Variants in SIX4 observed in about 807,000 individuals in gnomAD.
SIX4 encodes the protein SIX homeobox 4.
Under a neutral mutation model 51.5 loss-of-function variants are expected in SIX4, and 23 were observed. The ratio of observed to expected loss-of-function variants is 0.45; its 90% CI spans 0.32 to 0.63. The LOEUF is 0.63. Ranked by LOEUF, SIX4 falls within the 30% of genes least tolerant of loss-of-function variation. The probability of loss-of-function intolerance (pLI) is 0.04; values close to 1 mark genes in which losing one functional copy is unlikely to be tolerated. For missense variants in SIX4, 867 were observed against 984.0 expected (o/e 0.88, Z 1.59); for synonymous variants, 413 against 417.3 (o/e 0.99, Z 0.13).
Position 60,709,777 on chromosome 14 carries a change from G to A in SIX4, c.*3630C>T, listed in dbSNP as rs1895790275. On this transcript the variant is annotated 3_prime_UTR_variant, in exon 3 of 3. Transcript: ENST00000216513. The surrounding 1 kb of genome is among the most constrained non-coding windows in gnomAD (Gnocchi z 4.1). The stretch of plus-strand genomic sequence containing the variant: ...TACCCCACCCCATGATATACATTCT[G>A]TATAGAGTTTCTCTTTGTGTAAGGC... 1 of 152,530 alleles carries A rather than the reference G, an allele frequency of 6.6e-6. No homozygotes were observed. Among genetic ancestry groups the A allele is most frequent in the African/African-American group, 2.4e-5 (1 of 41,398 alleles). The allele number at this position is 152,530 out of a possible 1,614,324, so 9.4% of individuals were successfully genotyped here.
In SIX4 at chr14:60,712,916, G is replaced by A. The variant is rs1446469783; in HGVS notation, c.*491C>T. 6.5e-6 allele frequency: 1 copy of A among 152,726 alleles called. No homozygotes were observed. The highest frequency in any genetic ancestry group is 1.5e-5 in the Non-Finnish European group (1 of 68,154). The allele number at this position is 152,726 out of a possible 1,614,324, so 9.5% of individuals were successfully genotyped here. A position where few individuals can be genotyped will look rare whatever the true frequency, so the allele number is the denominator to read the frequency against. On this transcript the variant is annotated 3_prime_UTR_variant, in exon 3 of 3. Coordinates refer to ENST00000216513, the MANE Select transcript of SIX4 (RefSeq NM_017420.5). The stretch of plus-strand genomic sequence containing the variant: ...TCTCAAAAAATGCTGAAAAAGAGGT[G>A]TGTGTGCATATATATATGCATGCTA...
intron 1 of SIX4, chr14:60,721,282 G>A (rs926068112): frequency 1.2e-5 from 4 of 331,470 alleles, no homozygotes; most frequent in African/African-American, 6.7e-5. Flanking sequence ...CCAAATCGGG[G>A]TTGGGGGGTG....
In SIX4 at chr14:60,722,941, C is replaced by G. The variant is rs1594701376; in HGVS notation, c.863+271G>C. 3 of 411,840 alleles carry G rather than the reference C, an allele frequency of 7.3e-6. No individual in the cohort carries two copies. The highest frequency in any genetic ancestry group is 7.7e-6 in the Non-Finnish European group (2 of 258,876). The allele number at this position is 411,840 out of a possible 1,614,324, so 25.5% of individuals were successfully genotyped here. On this transcript the variant is annotated intron_variant, in intron 1 of 2. Transcript: ENST00000216513. The surrounding 1 kb of genome is among the most constrained non-coding windows in gnomAD (Gnocchi z 5.9). ...GGGAAGCTGGGCAGCAGTGACCAGC[C>G]GAGGTGGGGGCGGGGACTGAGACCT...
rs1895787844 is a variant in SIX4 at position 60,709,607 on chromosome 14, A to G, written c.*3800T>C. 1 of 152,656 alleles carries G rather than the reference A, an allele frequency of 6.6e-6. No individual in the cohort carries two copies. The highest frequency in any genetic ancestry group is 2.4e-5 in the African/African-American group (1 of 41,458). The allele number at this position is 152,656 out of a possible 1,614,324, so 9.5% of individuals were successfully genotyped here. A position where few individuals can be genotyped will look rare whatever the true frequency, so the allele number is the denominator to read the frequency against. On this transcript the variant is annotated 3_prime_UTR_variant, in exon 3 of 3. Transcript: ENST00000216513. The surrounding 1 kb of genome is among the most constrained non-coding windows in gnomAD (Gnocchi z 4.1). ...TAAGTTCACATCATTTCAGAAAACAAATAAAACACTTAATTGTCCAGGCAT... is the reference window on the plus strand; with the variant it reads ...TAAGTTCACATCATTTCAGAAAACAGATAAAACACTTAATTGTCCAGGCAT...
At position 60,724,257 on chromosome 14, in the gene SIX4, A is replaced by G. The variant is rs1272573346; in HGVS notation, c.-183T>C. ...GTTTCCCCCCGGCCACGCAGTCACC[A>G]TTAAGATAGCTGTTAGAGCAAAGTA... On this transcript the variant is annotated 5_prime_UTR_variant, in exon 1 of 3. The change abolishes an upstream ATG in the 5' untranslated region. Transcript: ENST00000216513. The G allele has an allele frequency of 7.8e-6, 12 of 1,534,810 alleles. No individual in the cohort carries two copies. Among genetic ancestry groups the G allele is most frequent in the African/African-American group, 1.4e-5 (1 of 72,750 alleles).
At chr14:60,716,544 C>A (rs143169508) in intron 2 of SIX4, among the ~76,000 whole-genome samples, 218 of 152,162 alleles carry the variant, frequency 1.4e-3, no homozygotes, top group Non-Finnish European at 2.6e-3. Flanking sequence ...AGCCACCGCG[C>A]CTGGCCAATT....
rs533147910 is a variant in SIX4, at chr14:60,714,491, CCAA to C, written c.1550-291_1550-289del. Among the ~76,000 whole-genome samples the C allele has an allele frequency of 1.7e-4, 26 of 152,070 alleles. No individual in the cohort carries two copies. In the South Asian group the frequency reaches 3.3e-3, roughly 19 times the overall value. On this transcript the variant is annotated intron_variant, in intron 2 of 2. Coordinates refer to ENST00000216513, the MANE Select transcript of SIX4 (RefSeq NM_017420.5). ...ATGGAGACATCTTTTATGTTTAACC[CCAA>C]CAACAACACAGCCAAAAAAACTACT...
intron 2 of SIX4, among the ~76,000 whole-genome samples, chr14:60,716,836 T>A (rs1352648951): frequency 6.6e-6 from 1 of 152,232 alleles, no homozygotes; most frequent in Admixed American, 6.5e-5. Flanking sequence ...GTCTTCCAAA[T>A]ATTTTTAATG....
Position 60,712,517 on chromosome 14 carries a change from G to A in SIX4, c.*890C>T, listed in dbSNP as rs1249679560. On this transcript the variant is annotated 3_prime_UTR_variant, in exon 3 of 3. Transcript: ENST00000216513. ...AAAAAGTACCAAAATTCCAATATTG[G>A]GAGTTAGATTTCCTGTTTCAGTGTT... The A allele has an allele frequency of 1.3e-5, 2 of 152,470 alleles. No homozygotes were observed. Among genetic ancestry groups the A allele is most frequent in the Non-Finnish European group, 2.9e-5 (2 of 68,000 alleles). 9.4% of individuals were successfully genotyped at this position (152,470 alleles called of 1,614,324 possible).
Position 60,720,940 on chromosome 14 carries a change from CT to C in SIX4, c.864-496del, listed in dbSNP as rs933878007. On this transcript the variant is annotated intron_variant, in intron 1 of 2. Transcript: ENST00000216513. The surrounding 1 kb of genome is among the most constrained non-coding windows in gnomAD (Gnocchi z 5.5). Reference sequence around the variant, plus strand: ...AGGAGGTAGGAAGTGCTCAGCTTTTCTTTTTTGGTCAGTTAGTTAACAAGAG... The same window carrying C: ...AGGAGGTAGGAAGTGCTCAGCTTTTCTTTTTGGTCAGTTAGTTAACAAGAG... 7.1e-6 allele frequency: 7 copies of C among 987,488 alleles called. No homozygotes were observed. Among genetic ancestry groups the C allele is most frequent in the Non-Finnish European group, 8.4e-6 (7 of 831,378 alleles). 61.2% of individuals were successfully genotyped at this position (987,488 alleles called of 1,614,324 possible).
chr14:60,723,175 G>C (rs1301792221), intron 1 of SIX4, 37 bp downstream of exon 1: 2 of 1,508,688 alleles, frequency 1.3e-6, no homozygotes, highest in Non-Finnish European at 1.8e-6. Context: ...GGGGGTGGGG[G>C]AGAGGAAGGG....
chr14:60,723,732 A>T lies in SIX4; in HGVS notation c.343T>A (p.Cys115Ser). 1 of 1,546,806 alleles carries T rather than the reference A, an allele frequency of 6.5e-7. No individual in the cohort carries two copies. Among genetic ancestry groups the T allele is most frequent in the Non-Finnish European group, 8.7e-7 (1 of 1,148,346 alleles). ...PLAFSPDHVA[C>S]VCEALQQGGN... ...CCCTGCTGCAGTGCCTCGCACACGC[A>T]GGCGACGTGGTCGGGCGAGAAGGCC... Residue 115 changes from cysteine to serine, a missense_variant, in exon 1 of 3, where the codon TGC becomes AGC. By Grantham distance (112) the Cys-to-Ser change is moderately radical. Coordinates refer to ENST00000216513, the MANE Select transcript of SIX4 (RefSeq NM_017420.5).
rs571953360 is a variant in SIX4 at position 60,711,007 on chromosome 14, C to T, written c.*2400G>A. The T allele has an allele frequency of 2.5e-5, 1 of 39,770 alleles. No homozygotes were observed. Among genetic ancestry groups the T allele is most frequent in the South Asian group, 6.7e-4 (1 of 1,490 alleles). 2.5% of individuals were successfully genotyped at this position (39,770 alleles called of 1,614,324 possible). Reference sequence around the variant, plus strand: ...TTTTCGGAAAACATATAAAACATTTCCAGTTATATATATATATATAGCATA... The same window carrying T: ...TTTTCGGAAAACATATAAAACATTTTCAGTTATATATATATATATAGCATA... On this transcript the variant is annotated 3_prime_UTR_variant, in exon 3 of 3. Coordinates refer to ENST00000216513, the MANE Select transcript of SIX4 (RefSeq NM_017420.5).
rs773908310 is a variant in SIX4 at position 60,713,528 on chromosome 14, G to C, written c.2225C>G (p.Ser742Cys). The change falls in exon 3 of 3, where the codon TCT (serine) becomes TGT (cysteine). Residue 742 changes from serine to cysteine, a missense_variant. Coordinates refer to ENST00000216513, the MANE Select transcript of SIX4 (RefSeq NM_017420.5). ...KATSSLMMLD[S>C]KSKYVLDGMV... ...GCCATCTAAGACATACTTGGATTTA[G>C]AGTCCAGCATCATTAAGCTACTTGT... 5 of 1,614,054 alleles carry C rather than the reference G, an allele frequency of 3.1e-6. No individual in the cohort carries two copies. Among genetic ancestry groups the C allele is most frequent in the Non-Finnish European group, 4.2e-6 (5 of 1,180,046 alleles).
chr14:60,720,325 C>T lies in SIX4; in HGVS notation c.984G>A (p.Met328Ile), dbSNP rs1445466633. 6.2e-7 allele frequency: 1 copy of T among 1,614,068 alleles called. No individual in the cohort carries two copies. Among genetic ancestry groups the T allele is most frequent in the Non-Finnish European group, 8.5e-7 (1 of 1,180,052 alleles). The change falls in exon 2 of 3, where the codon ATG becomes ATA. Residue 328 changes from methionine (M) to isoleucine (I), a missense_variant. Coordinates refer to ENST00000216513, the MANE Select transcript of SIX4 (RefSeq NM_017420.5). This position sits in a 1 kb window ranked among gnomAD's most constrained non-coding sequence, Gnocchi z 5.5. ...CAATTTGTTGCATATATACTGGCTC[C>T]ATATGACTGGAAAGGCTGAGGTTGG... ...GITNLSLSSH[M>I]EPVYMQQIGN...
chr14:60,721,565 G>T (rs1051741414), intron 1 of SIX4, among the ~76,000 whole-genome samples: 1 of 151,794 alleles, frequency 6.6e-6, no homozygotes, highest in East Asian at 2.0e-4. Context: ...GTGCGGGTGG[G>T]AGGTAGATCC....
chr14:60,721,186 T>C (rs1896012270), intron 1 of SIX4: 1 of 983,232 alleles, frequency 1.0e-6, no homozygotes, highest in Non-Finnish European at 1.2e-6. Context: ...AGAGGCCTTC[T>C]AACTATTAGA....
In SIX4 at chr14:60,710,376, G is replaced by C. The variant is rs544891602; in HGVS notation, c.*3031C>G. 1 of 152,644 alleles carries C rather than the reference G, an allele frequency of 6.6e-6. No homozygotes were observed. The highest frequency in any genetic ancestry group is 1.9e-4 in the East Asian group (1 of 5,174). 9.5% of individuals were successfully genotyped at this position (152,644 alleles called of 1,614,324 possible). A position where few individuals can be genotyped will look rare whatever the true frequency, so the allele number is the denominator to read the frequency against. ...TGAGATATAAAGCAGTACAACACAGGTGCTCTTGCTTGATTGAGGAACAAA... is the reference window on the plus strand; with the variant it reads ...TGAGATATAAAGCAGTACAACACAGCTGCTCTTGCTTGATTGAGGAACAAA... On this transcript the variant is annotated 3_prime_UTR_variant, in exon 3 of 3. Transcript: ENST00000216513.
rs200884734 is a variant in SIX4, at chr14:60,719,842, G to C, written c.1467C>G (p.Ser489=). ...CATTAAGGAACTGGCTGTTTGCTCC[G>C]GAATTGGGGATCTGGACAATGCCAT... ...NQYGIVQIPN[S]GANSQFLNGS... The change falls in exon 2 of 3, where the codon TCC becomes TCG. Residue 489 remains serine, a synonymous_variant. Transcript: ENST00000216513. This position sits in a 1 kb window ranked among gnomAD's most constrained non-coding sequence, Gnocchi z 4.9. 2.5e-5 allele frequency: 40 copies of C among 1,614,066 alleles called. No homozygotes were observed. Among genetic ancestry groups the C allele is most frequent in the Non-Finnish European group, 3.1e-5 (37 of 1,180,048 alleles).
Sources: gnomAD v4.1 joint callset for allele counts (sites outside exome capture counted in the v4.1 genomes callset) on GRCh38, gnomAD v4.1.1 for gene constraint, Gnocchi (gnomAD v3.1) non-coding constraint, MANE v1.5 for transcripts, NCBI Gene and HGNC (gene_info 2026-07-23, HGNC 2026-07-21) for gene names.